NOL4: variants seen among roughly 807,000 people sequenced by gnomAD.
The protein encoded by NOL4 is nucleolar protein 4, also known as cancer/testis antigen 125.
Under a neutral mutation model 75.9 loss-of-function variants are expected in NOL4, and 17 were observed. That is an observed-to-expected ratio of 0.22 (90% confidence interval 0.15 to 0.34). NOL4 has a LOEUF of 0.34. NOL4 is among the 10% of genes least tolerant of loss of function. NOL4 has a pLI of 1.00. For synonymous variants in NOL4, 292 were observed against 289.9 expected, an observed-to-expected ratio of 1.01 and a Z score of -0.07; for missense variants, 614 against 793.5, an observed-to-expected ratio of 0.77 and a Z score of 2.72.
intron 1 of NOL4, among the ~76,000 whole-genome samples, chr18:34,208,022 C>G (rs527735050): frequency 6.6e-6 from 1 of 152,292 alleles, no homozygotes; most frequent in South Asian, 2.1e-4. Context: ...AACCCTATTC[C>G]TGGTCCTCTG....
chr18:34,034,595 T>C (rs2075797071), intron 5 of NOL4, among the ~76,000 whole-genome samples: 1 of 151,986 alleles, frequency 6.6e-6, no homozygotes, highest in African/African-American at 2.4e-5. Context: ...AAAAATCAGC[T>C]GGGCATAGTG....
At chr18:34,010,182 A>G (rs545810925) in intron 6 of NOL4, among the ~76,000 whole-genome samples, 3 of 151,964 alleles carry the variant, frequency 2.0e-5, no homozygotes, top group Admixed American at 1.3e-4. Flanking sequence ...TCTGGTAACC[A>G]TCATTCTACA....
rs547430992 is a variant in NOL4, at chr18:34,115,828, G to A, written c.415-10668C>T. 3.3e-5 allele frequency among the ~76,000 whole-genome samples: 5 copies of A among 152,222 alleles called. No individual in the cohort carries two copies. The South Asian group carries it at 1.0e-3, about 32-fold the overall frequency. On this transcript the variant is annotated intron_variant, in intron 2 of 10. Transcript: ENST00000261592. ...GTCCACGTTCTTGATTTCCTTGGCA[G>A]TGAGACAAAGAATTTCAGTGTCACC...
At chr18:33,928,694 T>G (rs939430259) in intron 9 of NOL4, among the ~76,000 whole-genome samples, 1 of 152,170 alleles carries the variant, frequency 6.6e-6, no homozygotes, top group Non-Finnish European at 1.5e-5. Context: ...TCTAAAGTTT[T>G]TTTTAAAAAA....
At chr18:33,919,161 G>T (rs182179317) in intron 9 of NOL4, among the ~76,000 whole-genome samples, 1 of 152,130 alleles carries the variant, frequency 6.6e-6, no homozygotes, top group Non-Finnish European at 1.5e-5. Flanking sequence ...CCTAATGAGC[G>T]TGTCATCTTT....
chr18:33,866,975 G>T (rs1599676124), intron 10 of NOL4, among the ~76,000 whole-genome samples: 3 of 152,124 alleles, frequency 2.0e-5, no homozygotes, highest in Admixed American at 6.6e-5. Flanking sequence ...TATCACAATT[G>T]CTTAGACCAT....
intron 1 of NOL4, among the ~76,000 whole-genome samples, chr18:34,217,767 T>C (rs74771717): frequency 0.011 from 1,642 of 152,200 alleles, 33 homozygotes; most frequent in African/African-American, 0.038. Context: ...TGTGTATATG[T>C]ATGTGTATAT....
chr18:33,981,024 A>T (rs538001035), intron 6 of NOL4, among the ~76,000 whole-genome samples: 11 of 152,138 alleles, frequency 7.2e-5, no homozygotes, highest in South Asian at 4.1e-4. Flanking sequence ...TGAGAAAATT[A>T]AAAAAATGCT....
chr18:34,136,233 C>T (rs1397533722), intron 1 of NOL4, among the ~76,000 whole-genome samples: 1 of 152,116 alleles, frequency 6.6e-6, no homozygotes, highest in Non-Finnish European at 1.5e-5. Context: ...CAACTAACAT[C>T]TTATTTAATT....
intron 1 of NOL4, among the ~76,000 whole-genome samples, chr18:34,190,797 C>T (rs1387341505): frequency 6.6e-6 from 1 of 151,636 alleles, no homozygotes; most frequent in African/African-American, 2.4e-5. Context: ...ATTTATTTCA[C>T]ACTCCAAAAA....
chr18:33,953,347 T>C (rs1480316201), intron 8 of NOL4, among the ~76,000 whole-genome samples: 2 of 152,008 alleles, frequency 1.3e-5, no homozygotes, highest in Non-Finnish European at 2.9e-5. Context: ...CTTCAGGTTT[T>C]ACAAACCCTA....
At chr18:34,033,073 C>T (rs1394760051) in intron 5 of NOL4, among the ~76,000 whole-genome samples, 1 of 152,016 alleles carries the variant, frequency 6.6e-6, no homozygotes, top group Non-Finnish European at 1.5e-5. Context: ...CTGATGAAAG[C>T]AAATTCAGAA....
intron 9 of NOL4, among the ~76,000 whole-genome samples, chr18:33,926,090 G>A (rs929115227): frequency 6.6e-6 from 1 of 151,998 alleles, no homozygotes; most frequent in African/African-American, 2.4e-5. Flanking sequence ...GGCCCGGTGT[G>A]GTGGCTTATG....
chr18:34,039,739 A>G (rs2076059856), intron 5 of NOL4, among the ~76,000 whole-genome samples: 1 of 152,010 alleles, frequency 6.6e-6, no homozygotes, highest in African/African-American at 2.4e-5. Context: ...CAAAATCATG[A>G]TATAAAGGAA....
At chr18:34,170,176 C>CT (rs1188170272) in intron 1 of NOL4, among the ~76,000 whole-genome samples, 2 of 141,784 alleles carry the variant, frequency 1.4e-5, no homozygotes, top group South Asian at 2.3e-4. Context: ...TGTTTAAGAA[C>CT]TATTTTTTTT....
intron 6 of NOL4, among the ~76,000 whole-genome samples, chr18:34,016,828 C>T (rs2074726174): frequency 6.6e-6 from 1 of 152,146 alleles, no homozygotes; most frequent in South Asian, 2.1e-4. Flanking sequence ...TTGCTCTTCT[C>T]ATTTACATAT....
intron 5 of NOL4, among the ~76,000 whole-genome samples, chr18:34,035,618 AG>A (rs1342698548): frequency 2.6e-5 from 4 of 152,000 alleles, no homozygotes; most frequent in Non-Finnish European, 5.9e-5. Context: ...AAACAGCAAA[AG>A]GAAAAAAAAA....
intron 1 of NOL4, among the ~76,000 whole-genome samples, chr18:34,197,582 A>T (rs2146454211): frequency 6.6e-6 from 1 of 152,150 alleles, no homozygotes; most frequent in Non-Finnish European, 1.5e-5. Context: ...AAATAATCAC[A>T]CTAGCACATG....
intron 9 of NOL4, among the ~76,000 whole-genome samples, chr18:33,938,939 G>C (rs1022201675): frequency 6.6e-6 from 1 of 152,026 alleles, no homozygotes; most frequent in African/African-American, 2.4e-5. Flanking sequence ...AGTCCATCTT[G>C]AGCTAATTTT....
Sources: allele counts gnomAD v4.1 joint callset (sites outside exome capture counted in the v4.1 genomes callset), GRCh38; gene constraint gnomAD v4.1.1; transcripts MANE v1.5; gene names NCBI Gene and HGNC (gene_info 2026-07-23, HGNC 2026-07-21).